Variants in ATAD2B observed in about 807,000 individuals in gnomAD.
ATAD2B encodes ATPase family AAA domain-containing protein 2B.
ATAD2B carries 40 observed loss-of-function variants against 167.6 expected under a neutral mutation model. That is an observed-to-expected ratio of 0.24 (90% CI 0.19 to 0.31). ATAD2B has a LOEUF of 0.31. Ranked by LOEUF, ATAD2B falls within the 10% of genes least tolerant of loss-of-function variation. The pLI is 1.00. For missense variants in ATAD2B, 1,242 were observed against 1,757.2 expected (o/e 0.71, Z 5.24); for synonymous variants, 579 against 596.5 (o/e 0.97, Z 0.43).
At chr2:23,709,025 C>A in the ATAD2B span, among the ~76,000 whole-genome samples, 1 of 151,062 alleles carries the variant, frequency 6.6e-6, no homozygotes, top group East Asian at 1.9e-4. Flanking sequence ...AGGGTGATTT[C>A]TTTTCTTTTC....
chr2:23,680,179 C>T, the ATAD2B span, among the ~76,000 whole-genome samples: 1 of 152,086 alleles, frequency 6.6e-6, no homozygotes, highest in Admixed American at 6.5e-5. The surrounding 1 kb of genome is among the most constrained non-coding windows in gnomAD (Gnocchi z 4.1). Flanking sequence ...ACTCAGGGTG[C>T]TGGAGGGCCT....
the ATAD2B span, among the ~76,000 whole-genome samples, chr2:23,682,614 T>C: frequency 1.3e-5 from 2 of 152,144 alleles, no homozygotes; most frequent in African/African-American, 4.8e-5. This position sits in a 1 kb window ranked among gnomAD's most constrained non-coding sequence, Gnocchi z 4.1. Context: ...CGCCTCATTG[T>C]GTTCCCTGTT....
the ATAD2B span, among the ~76,000 whole-genome samples, chr2:23,716,806 C>CT: frequency 6.6e-6 from 1 of 152,238 alleles, no homozygotes; most frequent in Non-Finnish European, 1.5e-5. Context: ...TTCACACAGA[C>CT]TGGTGCTGGT....
the ATAD2B span, among the ~76,000 whole-genome samples, chr2:23,738,089 TGACGG>T: frequency 1.3e-5 from 2 of 152,166 alleles, no homozygotes; most frequent in East Asian, 3.8e-4. Context: ...TACCTGAAAG[TGACGG>T]GGAGAATGGA....
intron 22 of ATAD2B, among the ~76,000 whole-genome samples, chr2:23,775,236 G>A (rs1437444355): frequency 1.4e-5 from 2 of 144,946 alleles, no homozygotes; most frequent in Admixed American, 7.0e-5. Context: ...TTTTTTTTGA[G>A]ACGTTGTCTT....
At chr2:23,698,015 G>GTTGA in the ATAD2B span, 1 of 152,194 alleles carries the variant, frequency 6.6e-6, no homozygotes, top group African/African-American at 2.4e-5. Context: ...AACTTATACT[G>GTTGA]TTGATAAATA....
At chr2:23,755,964 G>C (rs917337835) in intron 25 of ATAD2B, among the ~76,000 whole-genome samples, 5 of 152,078 alleles carry the variant, frequency 3.3e-5, no homozygotes, top group African/African-American at 1.2e-4. Context: ...AATTCCAAAT[G>C]AAAGCTTCAG....
At chr2:23,840,977 G>A (rs1018485767) in intron 13 of ATAD2B, among the ~76,000 whole-genome samples, 10 of 152,102 alleles carry the variant, frequency 6.6e-5, no homozygotes, top group African/African-American at 2.4e-4. Context: ...CACGATCATG[G>A]TTCACTGCAG....
chr2:23,922,047 T>C (rs1704011905), intron 1 of ATAD2B, among the ~76,000 whole-genome samples: 1 of 152,150 alleles, frequency 6.6e-6, no homozygotes. Flanking sequence ...ATTTTTTTAA[T>C]TAAAATAAAA....
At chr2:23,816,721 C>G (rs946093236) in intron 17 of ATAD2B, among the ~76,000 whole-genome samples, 2 of 152,024 alleles carry the variant, frequency 1.3e-5, no homozygotes, top group African/African-American at 4.8e-5. Context: ...TATCATCTTT[C>G]TAATCAGAAA....
chr2:23,711,304 G>C, the ATAD2B span, among the ~76,000 whole-genome samples: 1 of 139,650 alleles, frequency 7.2e-6, no homozygotes, highest in East Asian at 2.2e-4. Context: ...AAAATGGGTA[G>C]TGAGGGACAG....
At chr2:23,839,559 T>C (rs558606260) in intron 13 of ATAD2B, among the ~76,000 whole-genome samples, 72 of 152,248 alleles carry the variant, frequency 4.7e-4, no homozygotes, top group African/African-American at 1.6e-3. Context: ...TCCCTCATAT[T>C]AAATAAACCT....
rs34109939 is a variant in ATAD2B at position 23,891,020 on chromosome 2, A to AT, written c.369-2622dup. On this transcript the variant is annotated intron_variant, in intron 2 of 27. Coordinates refer to ENST00000238789, the MANE Select transcript of ATAD2B (RefSeq NM_017552.4). ...ATATTAAAAGATTTAATATACTGAG[A>AT]TTTTTTTTTTTTTTTTTTGAGGTGG... 7.3e-3 allele frequency among the ~76,000 whole-genome samples: 997 copies of AT among 136,982 alleles called. 3 individuals are homozygous for AT. Among genetic ancestry groups the AT allele is most frequent in the Non-Finnish European group, 8.6e-3 (550 of 63,626 alleles). The allele number at this position is 136,982 out of a possible 152,430, so 89.9% of individuals were successfully genotyped here.
At chr2:23,735,331 A>G in the ATAD2B span, among the ~76,000 whole-genome samples, 1 of 152,218 alleles carries the variant, frequency 6.6e-6, no homozygotes, top group African/African-American at 2.4e-5. Context: ...CAATTAATCT[A>G]TGATGCTATA....
At chr2:23,837,490 C>CA (rs1427316205) in intron 13 of ATAD2B, among the ~76,000 whole-genome samples, 5 of 152,172 alleles carry the variant, frequency 3.3e-5, no homozygotes, top group African/African-American at 1.2e-4. Flanking sequence ...TGGGCGGCTG[C>CA]AGCTGCACCC....
At chr2:23,771,334 T>C (rs771786460) in intron 22 of ATAD2B, among the ~76,000 whole-genome samples, 4 of 152,228 alleles carry the variant, frequency 2.6e-5, no homozygotes, top group Non-Finnish European at 2.9e-5. Flanking sequence ...CAGTTTAATG[T>C]TGATAGAAGT....
At chr2:23,754,900 G>A in intron 25 of ATAD2B, 126 bp from the exon 26 acceptor site, 1 of 998,908 alleles carries the variant, frequency 1.0e-6, no homozygotes, top group East Asian at 2.8e-5. Flanking sequence ...GTATTCTTAA[G>A]TGATTTTTTT....
chr2:23,777,055 G>C (rs1185265945), intron 22 of ATAD2B, among the ~76,000 whole-genome samples: 3 of 152,076 alleles, frequency 2.0e-5, no homozygotes, highest in Non-Finnish European at 2.9e-5. Context: ...TCCTTACAAG[G>C]AGAGAAAATT....
At chr2:23,835,882 G>A (rs1250946043) in intron 13 of ATAD2B, among the ~76,000 whole-genome samples, 6 of 151,878 alleles carry the variant, frequency 4.0e-5, no homozygotes, top group Non-Finnish European at 8.8e-5. Context: ...GTTGCAGTGA[G>A]CTGAAGTCGC....
Sources: gnomAD v4.1 joint callset for allele counts (sites outside exome capture counted in the v4.1 genomes callset) on GRCh38, gnomAD v4.1.1 for gene constraint, Gnocchi (gnomAD v3.1) non-coding constraint, MANE v1.5 for transcripts, NCBI Gene and HGNC (gene_info 2026-07-23, HGNC 2026-07-21) for gene names.